ANK2: variants seen among roughly 807,000 people sequenced by gnomAD.
The protein encoded by ANK2 is ankyrin 2.
In ANK2, 83 loss-of-function variants were observed where a neutral mutation model predicts 360.5. The observed-to-expected ratio is 0.23, with a 90% CI of 0.19 to 0.28. The LOEUF (loss-of-function observed/expected upper bound fraction) is 0.28. ANK2 is among the 10% of genes least tolerant of loss of function. The pLI, the probability that ANK2 is intolerant of heterozygous loss-of-function variation, is 1.00. For missense variants in ANK2, 4,201 were observed against 4,795.7 expected, an observed-to-expected ratio of 0.88 and a Z score of 3.66; for synonymous variants, 1,740 against 1,759.5, an observed-to-expected ratio of 0.99 and a Z score of 0.28.
intron 2 of ANK2, among the ~76,000 whole-genome samples, chr4:113,019,564 A>C (rs1369448163): frequency 3.9e-5 from 6 of 152,210 alleles, no homozygotes; most frequent in African/African-American, 1.4e-4. Flanking sequence ...GAATGGATTC[A>C]ATCTTTTAAA....
At chr4:113,041,230 A>G (rs75173266) in intron 2 of ANK2, among the ~76,000 whole-genome samples, 2,964 of 152,204 alleles carry the variant, frequency 0.019, 74 homozygotes, top group Non-Finnish European at 0.028. Flanking sequence ...GATGGCTTTT[A>G]GGTCTAAATC....
At chr4:113,129,626 T>C (rs1193559552) in intron 1 of ANK2, among the ~76,000 whole-genome samples, 1 of 152,184 alleles carries the variant, frequency 6.6e-6, no homozygotes, top group Non-Finnish European at 1.5e-5. Flanking sequence ...TATAGTACAT[T>C]AAATGATATA....
intron 2 of ANK2, among the ~76,000 whole-genome samples, chr4:112,907,811 C>T (rs2085758325): frequency 6.6e-6 from 1 of 152,130 alleles, no homozygotes; most frequent in Non-Finnish European, 1.5e-5. Context: ...TATTACAAAT[C>T]TGGGATTTGA....
intron 1 of ANK2, among the ~76,000 whole-genome samples, chr4:112,863,731 C>T (rs1212359807): frequency 1.3e-5 from 2 of 151,890 alleles, no homozygotes; most frequent in East Asian, 3.9e-4. Flanking sequence ...ACCGTGTTAG[C>T]CAGGATAGTC....
intron 1 of ANK2, among the ~76,000 whole-genome samples, chr4:113,094,607 G>A (rs917286986): frequency 2.0e-5 from 3 of 152,048 alleles, no homozygotes; most frequent in African/African-American, 4.8e-5. Context: ...CTTCTTGTTA[G>A]CAGCTTTTAA....
intron 20 of ANK2, among the ~76,000 whole-genome samples, chr4:113,289,249 T>C (rs890796607): frequency 1.3e-5 from 2 of 148,720 alleles, no homozygotes; most frequent in African/African-American, 4.9e-5. Context: ...AGGGTCTTAC[T>C]CTGTTGCCCA....
intron 1 of ANK2, among the ~76,000 whole-genome samples, chr4:112,833,134 G>T (rs888241077): frequency 6.6e-6 from 1 of 152,220 alleles, no homozygotes; most frequent in African/African-American, 2.4e-5. Flanking sequence ...TGGTTGTTCT[G>T]ATAGTGAAGG....
chr4:112,929,575 G>A (rs1284851465), intron 2 of ANK2, among the ~76,000 whole-genome samples: 1 of 152,212 alleles, frequency 6.6e-6, no homozygotes, highest in Non-Finnish European at 1.5e-5. Context: ...TGCTTCTGTT[G>A]TGGCCAGCAT....
chr4:112,721,541 CAAAAAAAAA>C, the ANK2 span, among the ~76,000 whole-genome samples: 1 of 46,888 alleles, frequency 2.1e-5, no homozygotes, highest in South Asian at 1.2e-3. Flanking sequence ...GACCCCATCT[CAAAAAAAAA>C]AAAAAAAAAA....
chr4:112,912,849 AAAAT>A (rs967168019), intron 2 of ANK2, among the ~76,000 whole-genome samples: 4 of 152,024 alleles, frequency 2.6e-5, no homozygotes, highest in Admixed American at 2.6e-4. Flanking sequence ...CCATGTCTTT[AAAAT>A]AAATAAATAA....
chr4:113,243,812 A>C (rs2041339604), intron 9 of ANK2, among the ~76,000 whole-genome samples: 2 of 152,178 alleles, frequency 1.3e-5, no homozygotes, highest in African/African-American at 4.8e-5. Flanking sequence ...ATTTCTTCCT[A>C]TATACTGCCT....
intron 1 of ANK2, among the ~76,000 whole-genome samples, chr4:113,148,087 G>A (rs541944533): frequency 4.6e-5 from 7 of 152,296 alleles, no homozygotes; most frequent in Non-Finnish European, 1.0e-4. Flanking sequence ...ACACAAGTCA[G>A]CAAGGCCTTG....
intron 1 of ANK2, among the ~76,000 whole-genome samples, chr4:113,094,481 A>G (rs2090073420): frequency 6.6e-6 from 1 of 152,122 alleles, no homozygotes; most frequent in East Asian, 1.9e-4. Flanking sequence ...TAAGAGGACC[A>G]GAAGGAATTT....
chr4:113,161,277 T>G (rs547211584), intron 1 of ANK2, among the ~76,000 whole-genome samples: 11 of 152,326 alleles, frequency 7.2e-5, no homozygotes, highest in African/African-American at 2.6e-4. Context: ...ACTACGTGGA[T>G]TTTTGTTGAC....
chr4:113,292,281 C>A, intron 20 of ANK2, 135 bp from the exon 21 acceptor site: 1 of 821,692 alleles, frequency 1.2e-6, no homozygotes, highest in Non-Finnish European at 2.1e-6. Context: ...AAATGGGTTG[C>A]TGATCATCTT....
At chr4:112,747,261 A>G in the ANK2 span, among the ~76,000 whole-genome samples, 1 of 152,256 alleles carries the variant, frequency 6.6e-6, no homozygotes, top group Non-Finnish European at 1.5e-5. Context: ...GCTTAAGTCC[A>G]GGCCAGTGAG....
In ANK2 at chr4:113,357,485, C is replaced by G. The variant is rs754378659; in HGVS notation, c.8867C>G (p.Ser2956Cys). The G allele has an allele frequency of 1.1e-5, 18 of 1,613,986 alleles. No homozygotes were observed. The highest frequency in any genetic ancestry group is 4.4e-5 in the South Asian group (4 of 91,090). ...GCAAATCACACCACAAGTTTTCACT[C>G]TTCTGAAGTGTATTCTGTTACCATC... ...TDANHTTSFH[S>C]SEVYSVTITS... Residue 2956 changes from serine (S) to cysteine (C), a missense_variant, in exon 38 of 46, where the codon TCT becomes TGT. Transcript: ENST00000357077.
chr4:112,788,741 C>G, the ANK2 span: 2 of 1,582,774 alleles, frequency 1.3e-6, no homozygotes, highest in African/African-American at 2.7e-5. Flanking sequence ...CTCTTTTGGG[C>G]TGGATGTCCT....
intron 2 of ANK2, among the ~76,000 whole-genome samples, chr4:112,995,587 C>T (rs150895107): frequency 0.011 from 1,599 of 152,226 alleles, 11 homozygotes; most frequent in Non-Finnish European, 0.018. Flanking sequence ...TGCAGAAGCT[C>T]TTTAGTTTAA....
Sources: allele counts gnomAD v4.1 joint callset (sites outside exome capture counted in the v4.1 genomes callset), GRCh38; gene constraint gnomAD v4.1.1; transcripts MANE v1.5; gene names NCBI Gene and HGNC (gene_info 2026-07-23, HGNC 2026-07-21).